Variants in WEE1 observed in about 807,000 individuals in gnomAD.
WEE1 encodes wee1-like protein kinase.
WEE1 carries 16 observed loss-of-function variants against 68.8 expected under a neutral mutation model. The ratio of observed to expected loss-of-function variants is 0.23; its 90% confidence interval spans 0.16 to 0.35. The LOEUF is 0.35. Among genes scored for constraint, WEE1 ranks in the 10% least tolerant of loss-of-function variants. The pLI, the probability that WEE1 is intolerant of heterozygous loss-of-function variation, is 1.00. For synonymous variants in WEE1, 349 were observed against 318.7 expected (o/e 1.09, Z -1.01); for missense variants, 651 against 824.1 (o/e 0.79, Z 2.57).
chr11:9,576,025 T>C lies in WEE1; in HGVS notation c.714T>C (p.Phe238=), dbSNP rs1849561378. The stretch of plus-strand genomic sequence containing the variant: ...CTCCTCAAGTGAATATTAATCCTTT[T>C]ACTCCGGATTCTTTGTTGCTTCATT... ...RQTPQVNINP[F]TPDSLLLHSS... The change falls in exon 2 of 11, where the codon TTT becomes TTC. Residue 238 remains phenylalanine (F), a synonymous_variant. Transcript: ENST00000450114. This position sits in a 1 kb window ranked among gnomAD's most constrained non-coding sequence, Gnocchi z 4.3. 1 of 1,614,098 alleles carries C rather than the reference T, an allele frequency of 6.2e-7. No individual in the cohort carries two copies. The highest frequency in any genetic ancestry group is 8.5e-7 in the Non-Finnish European group (1 of 1,180,038).
chr11:9,574,380 G>T lies in WEE1; in HGVS notation c.447G>T (p.Ala149=), dbSNP rs746735077. 4.1e-6 allele frequency: 5 copies of T among 1,219,882 alleles called. No homozygotes were observed. Among genetic ancestry groups the T allele is most frequent in the Non-Finnish European group, 2.0e-6 (2 of 983,194 alleles). 75.6% of individuals were successfully genotyped at this position (1,219,882 alleles called of 1,614,324 possible). The change falls in exon 1 of 11, where the codon GCG becomes GCT. Residue 149 remains alanine (A), a synonymous_variant. Transcript: ENST00000450114. The surrounding 1 kb of genome is among the most constrained non-coding windows in gnomAD (Gnocchi z 4.9). The part of the protein sequence containing the change: ...SPVRCGGPGD[A]SPRGCGARRA... ...TGCGCTGCGGCGGCCCAGGAGATGCGTCGCCGCGGGGTTGCGGGGCGCGCC... is the reference window on the plus strand; with the variant it reads ...TGCGCTGCGGCGGCCCAGGAGATGCTTCGCCGCGGGGTTGCGGGGCGCGCC...
rs1849565261 is a variant in WEE1 at position 9,576,349 on chromosome 11, A to G, written c.846+56A>G. The G allele has an allele frequency of 1.3e-6, 2 of 1,537,014 alleles. No individual in the cohort carries two copies. The highest frequency in any genetic ancestry group is 2.4e-5 in the East Asian group (1 of 41,464). On this transcript the variant is annotated intron_variant, in intron 3 of 10. Transcript: ENST00000450114. The surrounding 1 kb of genome is among the most constrained non-coding windows in gnomAD (Gnocchi z 4.3). ...AATTTACTTTTCTGCCACTTAAAGCATGCTATGAATATGTTAATAAGCATT... is the reference window on the plus strand; with the variant it reads ...AATTTACTTTTCTGCCACTTAAAGCGTGCTATGAATATGTTAATAAGCATT...
At chr11:9,587,638 G>C (rs1385028786) in intron 10 of WEE1, among the ~76,000 whole-genome samples, 3 of 152,050 alleles carry the variant, frequency 2.0e-5, no homozygotes, top group South Asian at 2.1e-4. Flanking sequence ...TTAATGACTT[G>C]ATATTTTCAA....
intron 10 of WEE1, among the ~76,000 whole-genome samples, chr11:9,587,336 T>A (rs906459370): frequency 6.6e-6 from 1 of 152,144 alleles, no homozygotes; most frequent in Non-Finnish European, 1.5e-5. Flanking sequence ...CCTATTAAAT[T>A]TGTGTTGTTT....
At chr11:9,587,975 A>AT (rs35877818) in intron 10 of WEE1, among the ~76,000 whole-genome samples, 11 of 150,904 alleles carry the variant, frequency 7.3e-5, no homozygotes, top group East Asian at 5.8e-4. Flanking sequence ...TTTATTTTTA[A>AT]TTTTTTTTTT....
At chr11:9,583,295 A>G (rs1342149221) in intron 6 of WEE1, among the ~76,000 whole-genome samples, 1 of 151,532 alleles carries the variant, frequency 6.6e-6, no homozygotes, top group Non-Finnish European at 1.5e-5. Context: ...CCTAGGCAAC[A>G]AAGTGAGACT....
At chr11:9,577,609 C>G (rs115025055) in intron 5 of WEE1, 11 of 322,532 alleles carry the variant, frequency 3.4e-5, no homozygotes, top group African/African-American at 2.4e-4. Context: ...TAGATTCTTC[C>G]TGTGTCTGGT....
Position 9,574,510 on chromosome 11 carries a change from G to T in WEE1, c.576+1G>T. On this transcript the variant is annotated splice_donor_variant, in intron 1 of 10. Coordinates refer to ENST00000450114, the MANE Select transcript of WEE1 (RefSeq NM_003390.4). LOFTEE classifies it high-confidence loss of function. The surrounding 1 kb of genome is among the most constrained non-coding windows in gnomAD (Gnocchi z 4.9). ...CTTCGACACCCCGCACACGCCCAAG[G>T]TGAGAGCGGCGGGCGCGGGCACCCG... 8.2e-7 allele frequency: 1 copy of T among 1,218,000 alleles called. No homozygotes were observed. Among genetic ancestry groups the T allele is most frequent in the South Asian group, 3.4e-5 (1 of 29,066 alleles). 75.4% of individuals were successfully genotyped at this position (1,218,000 alleles called of 1,614,324 possible).
At chr11:9,585,632 G>A in intron 8 of WEE1, 105 bp downstream of exon 8, 3 of 937,324 alleles carry the variant, frequency 3.2e-6, no homozygotes, top group Non-Finnish European at 4.5e-6. Flanking sequence ...CTAATAGAAT[G>A]GAAATAAAAT....
chr11:9,581,743 GACA>G (rs1849630363), intron 6 of WEE1, 65 bp downstream of exon 6: 2 of 1,455,918 alleles, frequency 1.4e-6, no homozygotes, highest in Non-Finnish European at 1.8e-6. Flanking sequence ...ACTTCATTAT[GACA>G]ACATTGAAAA....
At position 9,577,807 on chromosome 11, in the gene WEE1, TGTC is replaced by T. The variant is rs1216465580; in HGVS notation, c.1141+548_1141+550del. ...GTTACATTCTTTTAGTTCTCTAGCT[TGTC>T]GTCTCTCCCTCCTCTCCCCTAAGGA... On this transcript the variant is annotated intron_variant, in intron 5 of 10. Transcript: ENST00000450114. The T allele has an allele frequency of 6.7e-6, 3 of 448,776 alleles. No individual in the cohort carries two copies. In the East Asian group the frequency reaches 2.1e-4, roughly 31 times the overall value. 27.8% of individuals were successfully genotyped at this position (448,776 alleles called of 1,614,324 possible). A position where few individuals can be genotyped will look rare whatever the true frequency, so the allele number is the denominator to read the frequency against.
Position 9,589,418 on chromosome 11 carries a change from A to AATGTCTCCCCCTAAGTTTT in WEE1, c.*819_*837dup, listed in dbSNP as rs1347757164. ...TAATGTCCTTCCCGGACTCTTTTTAAATGTCTCCCCCTAAGTTTTATACTT... is the reference window on the plus strand; with the variant it reads ...TAATGTCCTTCCCGGACTCTTTTTAAATGTCTCCCCCTAAGTTTTATGTCTCCCCCTAAGTTTTATACTT... On this transcript the variant is annotated 3_prime_UTR_variant, in exon 11 of 11. Transcript: ENST00000450114. 3.0e-6 allele frequency: 3 copies of AATGTCTCCCCCTAAGTTTT among 984,866 alleles called. No homozygotes were observed. In the African/African-American group the frequency reaches 5.2e-5, roughly 17 times the overall value. The allele number at this position is 984,866 out of a possible 1,614,324, so 61.0% of individuals were successfully genotyped here.
Position 9,573,769 on chromosome 11 carries a change from C to T in WEE1, c.-165C>T. ...TCCGCGCCGCCGCTGCCGCCACCGT[C>T]CGCAGCCCGAGCGCCCCGGAGCCGC... On this transcript the variant is annotated 5_prime_UTR_variant, in exon 1 of 11. Transcript: ENST00000450114. 1 of 394,780 alleles carries T rather than the reference C, an allele frequency of 2.5e-6. No individual in the cohort carries two copies. The highest frequency in any genetic ancestry group is 5.6e-5 in the Admixed American group (1 of 17,978). 24.5% of individuals were successfully genotyped at this position (394,780 alleles called of 1,614,324 possible).
At chr11:9,582,616 GAGTGC>G (rs1849640336) in intron 6 of WEE1, among the ~76,000 whole-genome samples, 2 of 152,026 alleles carry the variant, frequency 1.3e-5, no homozygotes, top group African/African-American at 4.8e-5. Context: ...GCCCAGGCTG[GAGTGC>G]AGTGGCACAG....
At chr11:9,578,187 A>G (rs1284530076) in intron 5 of WEE1, 1 of 247,942 alleles carries the variant, frequency 4.0e-6, no homozygotes, top group East Asian at 1.3e-4. Context: ...AATATAGACA[A>G]TTTAGAGTTT....
intron 1 of WEE1, 28 bp from the exon 2 acceptor site, chr11:9,575,860 A>T: frequency 6.2e-7 from 1 of 1,608,316 alleles, no homozygotes; most frequent in South Asian, 1.1e-5. Flanking sequence ...GGATCCTAAA[A>T]ATTGTATTTG....
intron 6 of WEE1, among the ~76,000 whole-genome samples, chr11:9,583,825 ATATATATATATATATATATATAC>A: frequency 2.5e-5 from 1 of 40,664 alleles, no homozygotes; most frequent in Admixed American, 2.0e-4. Flanking sequence ...ATATATATAT[ATATATATATATATATATATATAC>A]TTTTTTTTTT....
In WEE1 at chr11:9,574,555, C is replaced by G; in HGVS notation, c.576+46C>G. On this transcript the variant is annotated intron_variant, in intron 1 of 10. Transcript: ENST00000450114. The surrounding 1 kb of genome is among the most constrained non-coding windows in gnomAD (Gnocchi z 4.9). ...CACCCGGCGGCCGGGGCCGCGGCGC[C>G]GGAGGGGCCAGCGCCGCTGCCTGGG... The G allele has an allele frequency of 8.6e-7, 1 of 1,159,462 alleles. No homozygotes were observed. The highest frequency in any genetic ancestry group is 1.1e-6 in the Non-Finnish European group (1 of 946,774). The allele number at this position is 1,159,462 out of a possible 1,614,324, so 71.8% of individuals were successfully genotyped here. A position where few individuals can be genotyped will look rare whatever the true frequency, so the allele number is the denominator to read the frequency against.
At position 9,585,331 on chromosome 11, in the gene WEE1, C is replaced by T; in HGVS notation, c.1362C>T (p.Ser454=). 6.2e-7 allele frequency: 1 copy of T among 1,613,966 alleles called. No homozygotes were observed. Among genetic ancestry groups the T allele is most frequent in the Non-Finnish European group, 8.5e-7 (1 of 1,179,932 alleles). ...AAGGAGACGAAGATGATTGGGCATC[C>T]AACAAAGTTATGTTTAAAATAGGTA... ...SEEGDEDDWA[S]NKVMFKIGDL... Residue 454 remains serine (S), a synonymous_variant, in exon 7 of 11, where the codon TCC becomes TCT. Coordinates refer to ENST00000450114, the MANE Select transcript of WEE1 (RefSeq NM_003390.4).
Sources: allele counts gnomAD v4.1 joint callset (sites outside exome capture counted in the v4.1 genomes callset), GRCh38; gene constraint gnomAD v4.1.1; non-coding constraint Gnocchi (gnomAD v3.1); transcripts MANE v1.5; gene names NCBI Gene and HGNC (gene_info 2026-07-23, HGNC 2026-07-21).